AKAP9: variants seen among roughly 807,000 people sequenced by gnomAD.
AKAP9 encodes the protein A-kinase anchor protein 9.
Under a neutral mutation model 488.5 loss-of-function variants are expected in AKAP9, and 311 were observed. That is an observed-to-expected ratio of 0.64 (90% CI 0.58 to 0.70). The LOEUF is 0.70. Ranked by LOEUF, AKAP9 falls within the 30% of genes least tolerant of loss-of-function variation. AKAP9 has a pLI of 0.00. For synonymous variants in AKAP9, 1,462 were observed against 1,483.5 expected (o/e 0.99, Z 0.33); for missense variants, 4,215 against 4,374.5 (o/e 0.96, Z 1.03).
chr7:91,964,164 T>G (rs934864929), intron 1 of AKAP9, among the ~76,000 whole-genome samples: 10 of 152,226 alleles, frequency 6.6e-5, no homozygotes, highest in Non-Finnish European at 1.3e-4. Flanking sequence ...CTCAGTTATA[T>G]TCTTCCAGAG....
chr7:92,106,168 C>T (rs546178365), intron 47 of AKAP9, among the ~76,000 whole-genome samples: 22 of 152,302 alleles, frequency 1.4e-4, no homozygotes, highest in Non-Finnish European at 2.9e-4. Context: ...ATGTGTAATA[C>T]TTACCAAGTA....
At chr7:92,009,644 A>G (rs1800417722) in intron 8 of AKAP9, among the ~76,000 whole-genome samples, 1 of 152,322 alleles carries the variant, frequency 6.6e-6, no homozygotes, top group South Asian at 2.1e-4. Context: ...GACAAAAGAA[A>G]AACCCAGTTA....
rs774405332 is a variant in AKAP9 at position 92,016,162 on chromosome 7, C to T, written c.3646C>T (p.Pro1216Ser). The change falls in exon 11 of 50, where the codon CCT becomes TCT. Residue 1216 changes from proline (P) to serine (S), a missense_variant. This residue lies in a region of AKAP9 where 2,361 missense variants were observed against 2,430.0 expected (regional missense o/e 0.97). Transcript: ENST00000356239. Reference sequence around the variant, plus strand: ...CAGTGTCCTTGGTGAATATTATACTCCTGCTTTAAAATGTGAAGTAAATGC... The same window carrying T: ...CAGTGTCCTTGGTGAATATTATACTTCTGCTTTAAAATGTGAAGTAAATGC... ...LCSVLGEYYT[P>S]ALKCEVNAED... 21 of 1,603,182 alleles carry T rather than the reference C, an allele frequency of 1.3e-5. 1 individual carries two copies. The South Asian group carries it at 2.1e-4, about 16-fold the overall frequency.
At chr7:92,061,530 C>A in intron 23 of AKAP9, 108 bp downstream of exon 23, 1 of 1,138,500 alleles carries the variant, frequency 8.8e-7, no homozygotes, top group Non-Finnish European at 1.2e-6. Context: ...TTAGAATGAC[C>A]ATTAAAAAGT....
intron 13 of AKAP9, 116 bp from the exon 14 acceptor site, chr7:92,022,695 TACC>T: frequency 1.4e-6 from 1 of 705,090 alleles, no homozygotes; most frequent in Admixed American, 2.8e-5. Flanking sequence ...CCAGAGTTAT[TACC>T]ACTAAAAACA....
At chr7:92,057,819 TTCTTC>T (rs1215100515) in intron 22 of AKAP9, 31 of 224,414 alleles carry the variant, frequency 1.4e-4, no homozygotes, top group African/African-American at 6.0e-4. Flanking sequence ...TATATTTTTA[TTCTTC>T]TCTTCAAGGA....
intron 1 of AKAP9, among the ~76,000 whole-genome samples, chr7:91,971,955 T>C (rs1449990476): frequency 7.3e-6 from 1 of 136,546 alleles, no homozygotes; most frequent in Admixed American, 7.3e-5. Flanking sequence ...ATATGTTTGC[T>C]CATAGAGTCT....
intron 46 of AKAP9, among the ~76,000 whole-genome samples, 160 bp downstream of exon 46, chr7:92,102,986 A>G (rs1817841940): frequency 6.6e-6 from 1 of 151,868 alleles, no homozygotes; most frequent in African/African-American, 2.4e-5. Context: ...CTAGGTTTTC[A>G]TTCATTTAGC....
Position 92,044,993 on chromosome 7 carries a change from T to G in AKAP9, c.5163-15T>G, listed in dbSNP as rs934848286. On this transcript the variant is annotated splice_polypyrimidine_tract_variant and intron_variant, in intron 20 of 49. Transcript: ENST00000356239. ...AATATTAAACATTTTAATCAGTGCTTCTTTATCTATACAGGTATGCACTCC... is the reference window on the plus strand; with the variant it reads ...AATATTAAACATTTTAATCAGTGCTGCTTTATCTATACAGGTATGCACTCC... 38 of 1,588,052 alleles carry G rather than the reference T, an allele frequency of 2.4e-5. No homozygotes were observed. Among genetic ancestry groups the G allele is most frequent in the Admixed American group, 5.0e-5 (3 of 59,976 alleles).
chr7:91,947,168 G>A (rs557351471), intron 1 of AKAP9, among the ~76,000 whole-genome samples: 7 of 97,084 alleles, frequency 7.2e-5, no homozygotes, highest in Non-Finnish European at 1.6e-4. Context: ...GTGTGTGTGT[G>A]TGTGTGCGTG....
intron 28 of AKAP9, among the ~76,000 whole-genome samples, chr7:92,073,145 A>G (rs776254318): frequency 2.6e-5 from 4 of 152,112 alleles, no homozygotes; most frequent in Non-Finnish European, 4.4e-5. Flanking sequence ...ACGTCAAGGA[A>G]TCTACTGTGT....
At chr7:92,044,676 A>G (rs767849423) in intron 20 of AKAP9, among the ~76,000 whole-genome samples, 7 of 152,198 alleles carry the variant, frequency 4.6e-5, no homozygotes, top group Non-Finnish European at 1.0e-4. Flanking sequence ...TAAAACTTAA[A>G]TTTTGTCTCC....
In AKAP9 at chr7:91,999,166, T is replaced by C. The variant is rs143066378; in HGVS notation, c.931-1682T>C. ...TCAGAAGTCTGATTTTTTTTTCCCC[T>C]GTCAACTGAGACGAGCTACCTCAGA... On this transcript the variant is annotated intron_variant, in intron 7 of 49. Transcript: ENST00000356239. 6.2e-4 allele frequency among the ~76,000 whole-genome samples: 94 copies of C among 152,310 alleles called. 2 individuals are homozygous for C. The East Asian group carries it at 0.011, about 17-fold the overall frequency.
chr7:91,969,330 A>G (rs1261608711), intron 1 of AKAP9, among the ~76,000 whole-genome samples: 1 of 152,204 alleles, frequency 6.6e-6, no homozygotes, highest in Non-Finnish European at 1.5e-5. Context: ...TTTATGACCT[A>G]ATATATGGTC....
chr7:92,100,789 T>C (rs2130909174), intron 44 of AKAP9, 67 bp from the exon 45 acceptor site: 3 of 1,575,486 alleles, frequency 1.9e-6, no homozygotes, highest in East Asian at 2.2e-5. Flanking sequence ...CATGCAGATA[T>C]CTTTTTAATA....
intron 28 of AKAP9, among the ~76,000 whole-genome samples, chr7:92,071,657 T>C (rs954609798): frequency 2.6e-5 from 4 of 152,170 alleles, no homozygotes; most frequent in Non-Finnish European, 5.9e-5. Flanking sequence ...TCCTACTCTA[T>C]CTACATTGTC....
At chr7:92,069,497 A>G (rs1017700289) in intron 26 of AKAP9, among the ~76,000 whole-genome samples, 2 of 152,252 alleles carry the variant, frequency 1.3e-5, no homozygotes, top group South Asian at 4.1e-4. Flanking sequence ...ACAAAGTTAA[A>G]TTAGCATAAC....
rs1805970357 is a variant in AKAP9 at position 92,040,802 on chromosome 7, G to T, written c.4821G>T (p.Leu1607Phe). The T allele has an allele frequency of 6.2e-7, 1 of 1,614,024 alleles. No homozygotes were observed. The highest frequency in any genetic ancestry group is 8.5e-7 in the Non-Finnish European group (1 of 1,180,008). ...QYQEHQQATE[L>F]LRQAHMRQME... ...AAGAACATCAACAGGCAACGGAATTGTTAAGGCAAGCACATATGCGGCAAA... is the reference window on the plus strand; with the variant it reads ...AAGAACATCAACAGGCAACGGAATTTTTAAGGCAAGCACATATGCGGCAAA... The change falls in exon 18 of 50, where the codon TTG becomes TTT. Residue 1607 changes from leucine (L) to phenylalanine (F), a missense_variant. This residue lies in a region of AKAP9 where 2,361 missense variants were observed against 2,430.0 expected (regional missense o/e 0.97). Transcript: ENST00000356239.
At chr7:92,057,150 T>G (rs570338754) in intron 22 of AKAP9, among the ~76,000 whole-genome samples, 1 of 152,056 alleles carries the variant, frequency 6.6e-6, no homozygotes, top group Non-Finnish European at 1.5e-5. Flanking sequence ...TTCCTTAGCA[T>G]GTACTCTGTA....
Sources: gnomAD v4.1 joint callset for allele counts (sites outside exome capture counted in the v4.1 genomes callset) on GRCh38, gnomAD v4.1.1 for gene constraint, gnomAD v4.1.1 regional missense constraint, MANE v1.5 for transcripts, NCBI Gene and HGNC (gene_info 2026-07-23, HGNC 2026-07-21) for gene names.